The following PAWR variants were observed in gnomAD, a reference collection of about 807,000 sequenced individuals.
PAWR encodes the protein pro-apoptotic WT1 regulator, also known as PRKC apoptosis WT1 regulator protein.
A neutral mutation model predicts 32.0 loss-of-function variants in PAWR; 23 were observed. The observed-to-expected ratio is 0.72, with a 90% confidence interval of 0.52 to 1.02. PAWR has a LOEUF of 1.02. Ranked by LOEUF, PAWR falls within the 50% of genes least tolerant of loss-of-function variation. PAWR has a pLI of 0.00. For synonymous variants in PAWR, 226 were observed against 187.1 expected, an observed-to-expected ratio of 1.21 and a Z score of -1.70; for missense variants, 457 against 437.7, an observed-to-expected ratio of 1.04 and a Z score of -0.39.
At chr12:79,645,333 G>A (rs1045714585) in intron 2 of PAWR, among the ~76,000 whole-genome samples, 2 of 152,156 alleles carry the variant, frequency 1.3e-5, no homozygotes, top group Non-Finnish European at 2.9e-5. Flanking sequence ...AGGACATCAT[G>A]AAAAGATTAC....
At chr12:79,639,309 C>G (rs1566014044) in intron 2 of PAWR, among the ~76,000 whole-genome samples, 2 of 152,148 alleles carry the variant, frequency 1.3e-5, no homozygotes, top group East Asian at 3.9e-4. Flanking sequence ...TACCAGTTCT[C>G]TTTCTTATTA....
chr12:79,632,353 ATATATATATT>A (rs1225746096), intron 2 of PAWR, among the ~76,000 whole-genome samples: 358 of 19,584 alleles, frequency 0.018, 9 homozygotes, highest in East Asian at 0.048. Context: ...ATATATATAT[ATATATATATT>A]TTTTTTTTTT....
intron 2 of PAWR, among the ~76,000 whole-genome samples, chr12:79,661,302 A>G (rs1027366300): frequency 2.0e-5 from 3 of 151,828 alleles, no homozygotes; most frequent in Non-Finnish European, 4.4e-5. Flanking sequence ...GAGCCATAAT[A>G]TTTCTACAAT....
In PAWR at chr12:79,632,347, ATATATATATATATAT is replaced by A. The variant is rs1283694476; in HGVS notation, c.517-11155_517-11141del. ...TATATATATATATATATATATATAT[ATATATATATATATAT>A]TTTTTTTTTTTTTTAGACAGGGTCT... On this transcript the variant is annotated intron_variant, in intron 2 of 6. Coordinates refer to ENST00000328827, the MANE Select transcript of PAWR (RefSeq NM_002583.4). 8.9e-4 allele frequency among the ~76,000 whole-genome samples: 44 copies of A among 49,520 alleles called. 2 individuals are homozygous for A. The highest frequency in any genetic ancestry group is 1.1e-3 in the African/African-American group (3 of 2,610). The allele number at this position is 49,520 out of a possible 152,430, so 32.5% of individuals were successfully genotyped here. A position where few individuals can be genotyped will look rare whatever the true frequency, so the allele number is the denominator to read the frequency against.
chr12:79,680,760 G>A (rs1329552135), intron 2 of PAWR, among the ~76,000 whole-genome samples: 1 of 152,078 alleles, frequency 6.6e-6, no homozygotes, highest in Non-Finnish European at 1.5e-5. Flanking sequence ...CTGAACCTAT[G>A]AGACTCTTTC....
rs1270430808 is a variant in PAWR at position 79,591,612 on chromosome 12, T to A, written c.*995A>T. The A allele has an allele frequency of 6.6e-6, 1 of 152,156 alleles. No individual in the cohort carries two copies. The highest frequency in any genetic ancestry group is 1.9e-4 in the East Asian group (1 of 5,192). 9.4% of individuals were successfully genotyped at this position (152,156 alleles called of 1,614,324 possible). On this transcript the variant is annotated 3_prime_UTR_variant, in exon 7 of 7. Coordinates refer to ENST00000328827, the MANE Select transcript of PAWR (RefSeq NM_002583.4). ...GGAAGAAAATCCCTTAAATTTGAAA[T>A]AGCGGAATATTCTCTCATATGAAAA...
chr12:79,676,146 T>C (rs1214276194), intron 2 of PAWR, among the ~76,000 whole-genome samples: 1 of 152,046 alleles, frequency 6.6e-6, no homozygotes, highest in Non-Finnish European at 1.5e-5. Flanking sequence ...ATAATAATAA[T>C]AATAGCAGTG....
intron 2 of PAWR, among the ~76,000 whole-genome samples, chr12:79,687,320 A>G (rs1338308205): frequency 1.3e-5 from 2 of 152,298 alleles, no homozygotes; most frequent in Middle Eastern, 3.4e-3. Context: ...TAACAGTATT[A>G]TATATACACT....
At position 79,591,235 on chromosome 12, in the gene PAWR, T is replaced by G. The variant is rs1873545139; in HGVS notation, c.*1372A>C. ...ATGTAGAGACTTTTAGAATTCAACA[T>G]TTGATTATCATTTACTCCACATTTT... On this transcript the variant is annotated 3_prime_UTR_variant, in exon 7 of 7. Coordinates refer to ENST00000328827, the MANE Select transcript of PAWR (RefSeq NM_002583.4). 6.6e-6 allele frequency: 1 copy of G among 152,206 alleles called. No individual in the cohort carries two copies. The highest frequency in any genetic ancestry group is 2.4e-5 in the African/African-American group (1 of 41,456). 9.4% of individuals were successfully genotyped at this position (152,206 alleles called of 1,614,324 possible).
chr12:79,592,776 T>A, intron 6 of PAWR, 83 bp from the exon 7 acceptor site: 1 of 586,560 alleles, frequency 1.7e-6, no homozygotes, highest in East Asian at 3.0e-5. Context: ...TTAAAAATAA[T>A]TCATACAACC....
intron 6 of PAWR, 28 bp from the exon 7 acceptor site, chr12:79,592,721 A>T (rs1399666248): frequency 2.8e-6 from 2 of 711,882 alleles, no homozygotes; most frequent in Non-Finnish European, 5.0e-6. Flanking sequence ...ACACTTTAAA[A>T]ATACTTAAAA....
intron 5 of PAWR, among the ~76,000 whole-genome samples, chr12:79,595,253 ATTT>A (rs926964130): frequency 1.3e-5 from 2 of 151,046 alleles, no homozygotes; most frequent in African/African-American, 4.9e-5. Context: ...CTGATTTTTA[ATTT>A]TTTTTTTCTT....
intron 4 of PAWR, among the ~76,000 whole-genome samples, chr12:79,604,951 A>T (rs906532967): frequency 2.0e-5 from 3 of 152,146 alleles, no homozygotes; most frequent in African/African-American, 7.2e-5. Flanking sequence ...GATTCCTTTT[A>T]AAAATCTTAT....
At chr12:79,650,150 T>C (rs546132487) in intron 2 of PAWR, among the ~76,000 whole-genome samples, 2 of 152,348 alleles carry the variant, frequency 1.3e-5, no homozygotes, top group East Asian at 3.9e-4. Flanking sequence ...TAAATTTCCA[T>C]ATCCATAAGA....
chr12:79,684,924 A>G (rs2136891984), intron 2 of PAWR, among the ~76,000 whole-genome samples: 1 of 152,312 alleles, frequency 6.6e-6, no homozygotes, highest in East Asian at 1.9e-4. Context: ...AACTATCTCT[A>G]ATCTACTTCT....
intron 3 of PAWR, among the ~76,000 whole-genome samples, chr12:79,616,085 C>T (rs1031476730): frequency 6.6e-6 from 1 of 151,750 alleles, no homozygotes; most frequent in Non-Finnish European, 1.5e-5. Context: ...AAGTTTTTCC[C>T]CTGGTAGTTT....
At chr12:79,673,193 C>A (rs954414292) in intron 2 of PAWR, among the ~76,000 whole-genome samples, 1 of 152,052 alleles carries the variant, frequency 6.6e-6, no homozygotes, top group Non-Finnish European at 1.5e-5. Flanking sequence ...CCTCAGCCTC[C>A]CGAGTAGCTG....
intron 1 of PAWR, 177 bp from the exon 2 acceptor site, chr12:79,690,568 C>T (rs996385367): frequency 7.7e-5 from 19 of 246,242 alleles, no homozygotes; most frequent in African/African-American, 3.8e-4. Context: ...ACAGTACGGA[C>T]CCCGACGATC....
At chr12:79,604,369 T>C (rs999484432) in intron 4 of PAWR, 2 of 1,003,874 alleles carry the variant, frequency 2.0e-6, no homozygotes, top group Middle Eastern at 5.0e-4. Context: ...TCGCATCTTA[T>C]GTAGAAACAC....
Sources: gnomAD v4.1 joint callset for allele counts (sites outside exome capture counted in the v4.1 genomes callset) on GRCh38, gnomAD v4.1.1 for gene constraint, MANE v1.5 for transcripts, NCBI Gene and HGNC (gene_info 2026-07-23, HGNC 2026-07-21) for gene names.